Variants in MACROD2 observed in about 807,000 individuals in gnomAD.
MACROD2 encodes ADP-ribose glycohydrolase MACROD2.
In MACROD2, 36 loss-of-function variants were observed where a neutral mutation model predicts 70.4. The ratio of observed to expected loss-of-function variants is 0.51; its 90% CI spans 0.39 to 0.68. The LOEUF is 0.68. Ranked by LOEUF, MACROD2 falls within the 30% of genes least tolerant of loss-of-function variation. The probability of loss-of-function intolerance (pLI) is 0.00; values close to 1 mark genes in which losing one functional copy is unlikely to be tolerated. For missense variants in MACROD2, 496 were observed against 538.4 expected, an observed-to-expected ratio of 0.92 and a Z score of 0.78; for synonymous variants, 172 against 178.8, an observed-to-expected ratio of 0.96 and a Z score of 0.30.
chr20:14,829,140 T>TG (rs1490921322), intron 5 of MACROD2, among the ~76,000 whole-genome samples: 1 of 148,420 alleles, frequency 6.7e-6, no homozygotes, highest in Non-Finnish European at 1.5e-5. Context: ...TTTTTTTTTT[T>TG]TTTTTTTGAG....
chr20:16,035,925 T>A (rs1878136152), intron 15 of MACROD2, among the ~76,000 whole-genome samples: 1 of 151,914 alleles, frequency 6.6e-6, no homozygotes, highest in Admixed American at 6.6e-5. Context: ...TCTGCTAACA[T>A]CCCATTGGCC....
At chr20:14,700,471 T>C (rs567403310) in intron 5 of MACROD2, among the ~76,000 whole-genome samples, 20 of 152,158 alleles carry the variant, frequency 1.3e-4, no homozygotes, top group Non-Finnish European at 2.2e-4. Context: ...TATTCAGTTA[T>C]GCTTAGGCAT....
intron 10 of MACROD2, among the ~76,000 whole-genome samples, chr20:15,927,553 A>G (rs1438359246): frequency 6.6e-6 from 1 of 152,124 alleles, no homozygotes; most frequent in Non-Finnish European, 1.5e-5. Context: ...ATACGACGGT[A>G]TGACGTTCAT....
chr20:14,127,958 T>TG (rs1601254346), intron 3 of MACROD2: 5 of 513,058 alleles, frequency 9.7e-6, no homozygotes, highest in Non-Finnish European at 1.9e-5. Context: ...ACGTAGTTGT[T>TG]GGGGAAATAG....
intron 2 of MACROD2, among the ~76,000 whole-genome samples, chr20:14,071,418 G>T (rs1315368058): frequency 1.3e-5 from 2 of 151,474 alleles, no homozygotes; most frequent in Non-Finnish European, 2.9e-5. Flanking sequence ...CTACCACCAC[G>T]CCCGGCTAAT....
intron 3 of MACROD2, among the ~76,000 whole-genome samples, chr20:14,309,603 A>G (rs991862993): frequency 6.6e-6 from 1 of 152,186 alleles, no homozygotes; most frequent in Non-Finnish European, 1.5e-5. Context: ...AATAGCTATA[A>G]TGACTATGTT....
chr20:15,239,527 G>A (rs2077042543), intron 6 of MACROD2, among the ~76,000 whole-genome samples: 1 of 152,124 alleles, frequency 6.6e-6, no homozygotes, highest in South Asian at 2.1e-4. Flanking sequence ...AAGTGGTATA[G>A]TTTGAATTTA....
At chr20:15,928,986 C>A (rs557948470) in intron 10 of MACROD2, among the ~76,000 whole-genome samples, 1 of 148,514 alleles carries the variant, frequency 6.7e-6, no homozygotes, top group African/African-American at 2.4e-5. Context: ...CCTGAGCTGA[C>A]AAAAATAAAC....
intron 3 of MACROD2, chr20:14,086,186 G>T: frequency 5.3e-6 from 2 of 377,472 alleles, no homozygotes; most frequent in Non-Finnish European, 1.1e-5. Context: ...AACTTAAGTT[G>T]TTAGGGTTCC....
At chr20:15,307,964 T>C (rs992223965) in intron 6 of MACROD2, among the ~76,000 whole-genome samples, 1 of 152,034 alleles carries the variant, frequency 6.6e-6, no homozygotes, top group East Asian at 1.9e-4. Flanking sequence ...GTTTTTCTCA[T>C]GGTTAGACTC....
At chr20:14,256,367 G>T (rs1423438732) in intron 3 of MACROD2, among the ~76,000 whole-genome samples, 5 of 152,002 alleles carry the variant, frequency 3.3e-5, no homozygotes, top group Non-Finnish European at 5.9e-5. Flanking sequence ...ATGAATTCTT[G>T]TGAGTTATTT....
In MACROD2 at chr20:14,704,346, G is replaced by T. The variant is rs199572689; in HGVS notation, c.418+19387G>T. Among the ~76,000 whole-genome samples, 14 of 152,062 alleles carry T rather than the reference G, an allele frequency of 9.2e-5. No individual in the cohort carries two copies. In the South Asian group the frequency reaches 1.5e-3, roughly 16 times the overall value. ...TGATTTATTGCGCCCTTTTCCTACC[G>T]TGTAAATAGCCCAGCTCACTGCTTC... On this transcript the variant is annotated intron_variant, in intron 5 of 17. Transcript: ENST00000684519.
At chr20:14,041,344 T>C (rs572737945) in intron 2 of MACROD2, among the ~76,000 whole-genome samples, 66 of 152,292 alleles carry the variant, frequency 4.3e-4, no homozygotes, top group Admixed American at 2.1e-3. Flanking sequence ...AGTAAATGTT[T>C]GAGGCTCCTC....
intron 5 of MACROD2, among the ~76,000 whole-genome samples, chr20:14,753,591 T>C (rs2071902794): frequency 6.6e-6 from 1 of 152,124 alleles, no homozygotes; most frequent in African/African-American, 2.4e-5. Context: ...ATAGTCGAAT[T>C]ATACCAGAGG....
intron 4 of MACROD2, among the ~76,000 whole-genome samples, chr20:14,593,160 C>CTG (rs3044724): frequency 0.98 from 149,026 of 152,270 alleles, 73,009 homozygotes; most frequent in East Asian, 1. Flanking sequence ...AATGATAAAA[C>CTG]TTTTAAATTC....
chr20:14,502,264 T>C (rs1406099132), intron 4 of MACROD2, among the ~76,000 whole-genome samples: 1 of 152,212 alleles, frequency 6.6e-6, no homozygotes, highest in African/African-American at 2.4e-5. Flanking sequence ...ACTTTTATAA[T>C]CTTTTTTGTT....
intron 9 of MACROD2, among the ~76,000 whole-genome samples, chr20:15,869,898 C>T (rs142314574): frequency 1.4e-3 from 208 of 152,130 alleles, no homozygotes; most frequent in African/African-American, 4.4e-3. Context: ...TACTTGAGTA[C>T]GTGAACATAT....
intron 3 of MACROD2, among the ~76,000 whole-genome samples, chr20:14,159,375 T>C (rs1317978135): frequency 6.6e-6 from 1 of 152,260 alleles, no homozygotes; most frequent in Non-Finnish European, 1.5e-5. Context: ...ATAGGATATC[T>C]TTCCATTTGT....
intron 5 of MACROD2, among the ~76,000 whole-genome samples, chr20:14,932,931 T>C (rs1046999029): frequency 4.6e-5 from 7 of 152,186 alleles, no homozygotes; most frequent in African/African-American, 1.7e-4. Context: ...TGGATAATTA[T>C]ATAACTAATT....
Sources: gnomAD v4.1 joint callset for allele counts (sites outside exome capture counted in the v4.1 genomes callset) on GRCh38, gnomAD v4.1.1 for gene constraint, MANE v1.5 for transcripts, NCBI Gene and HGNC (gene_info 2026-07-23, HGNC 2026-07-21) for gene names.